ZFPM2: variants seen among roughly 807,000 people sequenced by gnomAD.
ZFPM2 encodes zinc finger protein, FOG family member 2.
In ZFPM2, 20 loss-of-function variants were observed where a neutral mutation model predicts 98.6. That is an observed-to-expected ratio of 0.20 (90% confidence interval 0.14 to 0.29). The LOEUF (loss-of-function observed/expected upper bound fraction) is 0.29. Among genes scored for constraint, ZFPM2 ranks in the 10% least tolerant of loss-of-function variants. The pLI, the probability that ZFPM2 is intolerant of heterozygous loss-of-function variation, is 1.00. For missense variants in ZFPM2, 1,310 were observed against 1,388.6 expected (o/e 0.94, Z 0.90); for synonymous variants, 518 against 502.7 (o/e 1.03, Z -0.41).
intron 4 of ZFPM2, among the ~76,000 whole-genome samples, chr8:105,578,073 A>G (rs1285835425): frequency 6.6e-6 from 1 of 152,118 alleles, no homozygotes; most frequent in Non-Finnish European, 1.5e-5. Context: ...TATTGCTACT[A>G]TTTGTCACAA....
intron 3 of ZFPM2, among the ~76,000 whole-genome samples, chr8:105,473,088 G>A (rs976155077): frequency 2.0e-5 from 3 of 151,796 alleles, no homozygotes; most frequent in Admixed American, 6.6e-5. Flanking sequence ...TTTTTGTAGA[G>A]ATGGGGCATC....
chr8:105,735,308 T>A (rs1812042008), intron 5 of ZFPM2, among the ~76,000 whole-genome samples: 1 of 151,502 alleles, frequency 6.6e-6, no homozygotes, highest in African/African-American at 2.4e-5. Context: ...CAGTTGCTTT[T>A]AAGGACCTAA....
rs1814081626 is a variant in ZFPM2, at chr8:105,802,904, G to T, written c.2822G>T (p.Gly941Val). The change falls in exon 8 of 8, where the codon GGC (glycine) becomes GTC (valine). Residue 941 changes from glycine to valine, a missense_variant. Coordinates refer to ENST00000407775, the MANE Select transcript of ZFPM2 (RefSeq NM_012082.4). Reference protein sequence around the residue: ...LFSSHLATLQGLKVFSEAAQL... With the variant: ...LFSSHLATLQVLKVFSEAAQL... The stretch of plus-strand genomic sequence containing the variant: ...TCATCCCACCTAGCAACCCTGCAAG[G>T]CTTGAAGGTCTTTAGTGAAGCTGCT... The T allele has an allele frequency of 6.2e-7, 1 of 1,613,566 alleles. No individual in the cohort carries two copies. The highest frequency in any genetic ancestry group is 1.3e-5 in the African/African-American group (1 of 74,912).
intron 5 of ZFPM2, among the ~76,000 whole-genome samples, chr8:105,743,702 A>G (rs1033576049): frequency 6.6e-6 from 1 of 152,070 alleles, no homozygotes; most frequent in African/African-American, 2.4e-5. Flanking sequence ...GGTGCTTTGT[A>G]TACCAAGTCT....
At chr8:105,353,915 A>C (rs1812693575) in intron 1 of ZFPM2, among the ~76,000 whole-genome samples, 1 of 152,206 alleles carries the variant, frequency 6.6e-6, no homozygotes, top group South Asian at 2.1e-4. Context: ...TTAAAACATC[A>C]ATAAACTGTG....
At chr8:105,385,115 A>G (rs1810957700) in intron 1 of ZFPM2, among the ~76,000 whole-genome samples, 3 of 152,208 alleles carry the variant, frequency 2.0e-5, no homozygotes, top group African/African-American at 7.2e-5. Context: ...ATACGAGACC[A>G]CTTCTCAAAG....
intron 4 of ZFPM2, among the ~76,000 whole-genome samples, chr8:105,599,944 A>G (rs552792666): frequency 1.3e-5 from 2 of 152,242 alleles, no homozygotes; most frequent in African/African-American, 4.8e-5. Context: ...CCAAATCCTC[A>G]TGGTTGAAAA....
chr8:105,378,111 T>C (rs1677286078), intron 1 of ZFPM2, among the ~76,000 whole-genome samples: 1 of 152,176 alleles, frequency 6.6e-6, no homozygotes, highest in African/African-American at 2.4e-5. Context: ...ACTGGGATAT[T>C]GGATGATATA....
At chr8:105,448,584 T>G (rs1745364576) in intron 3 of ZFPM2, among the ~76,000 whole-genome samples, 1 of 152,068 alleles carries the variant, frequency 6.6e-6, no homozygotes, top group African/African-American at 2.4e-5. Context: ...TTTGAGTCAC[T>G]GATGCAATAA....
rs570425481 is a variant in ZFPM2 at position 105,709,450 on chromosome 8, A to G, written c.532+75093A>G. Among the ~76,000 whole-genome samples, 30 of 152,258 alleles carry G rather than the reference A, an allele frequency of 2.0e-4. No individual in the cohort carries two copies. In the South Asian group the frequency reaches 6.0e-3, roughly 30 times the overall value. On this transcript the variant is annotated intron_variant, in intron 5 of 7. Coordinates refer to ENST00000407775, the MANE Select transcript of ZFPM2 (RefSeq NM_012082.4). ...CTCACTGGGTTAATAGCATGGAACT[A>G]ACAGAGCTAAGATTAAGAGGTTCGT...
At chr8:105,470,240 A>C (rs1586395815) in intron 3 of ZFPM2, among the ~76,000 whole-genome samples, 2 of 152,126 alleles carry the variant, frequency 1.3e-5, no homozygotes, top group South Asian at 2.1e-4. Context: ...ACAGGGCTTA[A>C]TAACAGAGTC....
At chr8:105,745,813 G>A (rs969934760) in intron 5 of ZFPM2, among the ~76,000 whole-genome samples, 1 of 152,100 alleles carries the variant, frequency 6.6e-6, no homozygotes, top group Non-Finnish European at 1.5e-5. Context: ...AGGCTGGAGT[G>A]CAGCGGTGCA....
At chr8:105,795,431 G>A (rs1039702941) in intron 6 of ZFPM2, among the ~76,000 whole-genome samples, 28 of 151,396 alleles carry the variant, frequency 1.8e-4, no homozygotes, top group Admixed American at 5.3e-4. Flanking sequence ...GTGAGAAGGC[G>A]AGCACCTTTC....
At chr8:105,454,880 C>T (rs910207528) in intron 3 of ZFPM2, among the ~76,000 whole-genome samples, 8 of 152,140 alleles carry the variant, frequency 5.3e-5, no homozygotes, top group Admixed American at 2.6e-4. Context: ...GACATTTTGA[C>T]GTGAACATAA....
At chr8:105,453,966 T>C (rs367732971) in intron 3 of ZFPM2, among the ~76,000 whole-genome samples, 12 of 152,262 alleles carry the variant, frequency 7.9e-5, no homozygotes, top group African/African-American at 2.6e-4. Flanking sequence ...CTCTAATAAA[T>C]GAGGACTTTT....
chr8:105,424,936 G>T (rs1811876863), intron 2 of ZFPM2, among the ~76,000 whole-genome samples: 1 of 152,142 alleles, frequency 6.6e-6, no homozygotes, highest in African/African-American at 2.4e-5. Context: ...AGGCAAAGTT[G>T]GTAGAGTGTA....
intron 3 of ZFPM2, among the ~76,000 whole-genome samples, chr8:105,558,395 C>T (rs780188362): frequency 7.9e-5 from 12 of 152,146 alleles, no homozygotes; most frequent in Admixed American, 2.6e-4. Context: ...GGTATTCTTG[C>T]TTGTCTAGTA....
At chr8:105,380,876 TTA>T (rs1238900687) in intron 1 of ZFPM2, among the ~76,000 whole-genome samples, 2 of 95,016 alleles carry the variant, frequency 2.1e-5, no homozygotes, top group East Asian at 2.7e-4. Context: ...AATATATATG[TTA>T]TATATATTAT....
intron 5 of ZFPM2, among the ~76,000 whole-genome samples, chr8:105,738,701 T>C (rs1233588108): frequency 1.3e-5 from 2 of 152,098 alleles, no homozygotes; most frequent in Non-Finnish European, 2.9e-5. Flanking sequence ...GACTTTCTCA[T>C]AATAGCCATC....
Sources: allele counts gnomAD v4.1 joint callset (sites outside exome capture counted in the v4.1 genomes callset), GRCh38; gene constraint gnomAD v4.1.1; transcripts MANE v1.5; gene names NCBI Gene and HGNC (gene_info 2026-07-23, HGNC 2026-07-21).